The following FLT3 variants were observed in gnomAD, a reference collection of about 807,000 sequenced individuals.
FLT3 encodes the protein receptor-type tyrosine-protein kinase FLT3.
A neutral mutation model predicts 126.6 loss-of-function variants in FLT3; 46 were observed. The observed-to-expected ratio is 0.36, with a 90% CI of 0.29 to 0.46. The LOEUF is 0.46. FLT3 is among the 20% of genes least tolerant of loss of function. FLT3 has a pLI of 1.00. For missense variants in FLT3, 1,069 were observed against 1,190.3 expected (o/e 0.90, Z 1.50); for synonymous variants, 404 against 434.4 (o/e 0.93, Z 0.87).
intron 10 of FLT3, among the ~76,000 whole-genome samples, chr13:28,036,386 C>T (rs1357856457): frequency 6.6e-6 from 1 of 152,160 alleles, no homozygotes; most frequent in Admixed American, 6.5e-5. Flanking sequence ...GCCATGCAAC[C>T]TCTCTGCTAC....
intron 9 of FLT3, among the ~76,000 whole-genome samples, chr13:28,040,120 T>C (rs1416319689): frequency 1.3e-5 from 2 of 152,196 alleles, no homozygotes; most frequent in African/African-American, 4.8e-5. Context: ...TTAGAACCTG[T>C]TTGTGACGGA....
intron 2 of FLT3, among the ~76,000 whole-genome samples, chr13:28,066,825 G>T (rs1397497579): frequency 2.6e-5 from 4 of 152,086 alleles, no homozygotes; most frequent in Admixed American, 2.6e-4. Flanking sequence ...AAAATCAGTA[G>T]GTGAAAATTA....
intron 9 of FLT3, among the ~76,000 whole-genome samples, chr13:28,047,156 G>T (rs1874957765): frequency 6.6e-6 from 1 of 152,132 alleles, no homozygotes; most frequent in South Asian, 2.1e-4. Context: ...TGGAATGGGA[G>T]CCAGGAATCC....
chr13:28,096,212 G>A (rs922124934), intron 1 of FLT3, among the ~76,000 whole-genome samples: 38 of 151,868 alleles, frequency 2.5e-4, no homozygotes, highest in Admixed American at 7.2e-4. Context: ...AAAATTAGTC[G>A]GGTGTCATGG....
At chr13:28,094,646 T>C (rs914440852) in intron 1 of FLT3, among the ~76,000 whole-genome samples, 1 of 152,160 alleles carries the variant, frequency 6.6e-6, no homozygotes, top group Non-Finnish European at 1.5e-5. Flanking sequence ...GCTACAGGCA[T>C]GTGCCTCTAC....
Position 28,036,047 on chromosome 13 carries a change from T to C in FLT3, c.1310-4A>G, listed in dbSNP as rs776193252. ...TCTGCGAGCACTTGAGGTTTCCCTA[T>C]AGAAAAGAACGTGTGAAATAAGCTC... On this transcript the variant is annotated splice_region_variant and splice_polypyrimidine_tract_variant and intron_variant, in intron 10 of 23. Coordinates refer to ENST00000241453, the MANE Select transcript of FLT3 (RefSeq NM_004119.3). 5.6e-6 allele frequency: 9 copies of C among 1,612,664 alleles called. No individual in the cohort carries two copies. Among genetic ancestry groups the C allele is most frequent in the South Asian group, 5.5e-5 (5 of 91,028 alleles).
chr13:28,066,897 A>C (rs1281389433), intron 2 of FLT3, among the ~76,000 whole-genome samples: 1 of 152,210 alleles, frequency 6.6e-6, no homozygotes, highest in Non-Finnish European at 1.5e-5. Context: ...TGAAGAAAAT[A>C]GTAACTTTGC....
chr13:28,072,577 A>G (rs1414018446), intron 1 of FLT3, among the ~76,000 whole-genome samples: 1 of 152,074 alleles, frequency 6.6e-6, no homozygotes, highest in East Asian at 1.9e-4. Flanking sequence ...TCGTGTTTTT[A>G]GTAGAGACAG....
At chr13:28,091,518 G>GC (rs1879103099) in intron 1 of FLT3, among the ~76,000 whole-genome samples, 4 of 152,114 alleles carry the variant, frequency 2.6e-5, no homozygotes, top group Admixed American at 1.3e-4. Context: ...ACCGCGCCCG[G>GC]CCCCCCATTT....
chr13:28,039,423 G>C (rs1056418631), intron 9 of FLT3, among the ~76,000 whole-genome samples: 1 of 151,898 alleles, frequency 6.6e-6, no homozygotes, highest in African/African-American at 2.4e-5. Flanking sequence ...GGATGATCTT[G>C]ATCTCTTGAC....
chr13:28,016,546 G>C (rs1566058796), intron 20 of FLT3, among the ~76,000 whole-genome samples: 1 of 152,178 alleles, frequency 6.6e-6, no homozygotes, highest in Non-Finnish European at 1.5e-5. Context: ...TGGGATTACA[G>C]CTGTGAGCCA....
intron 9 of FLT3, among the ~76,000 whole-genome samples, chr13:28,041,660 A>C (rs1874387291): frequency 6.6e-6 from 1 of 152,254 alleles, no homozygotes; most frequent in African/African-American, 2.4e-5. Flanking sequence ...GACAACTGCA[A>C]TGACAACCGT....
intron 1 of FLT3, among the ~76,000 whole-genome samples, chr13:28,078,772 G>C (rs556183404): frequency 2.7e-5 from 4 of 149,868 alleles, no homozygotes; most frequent in Non-Finnish European, 5.9e-5. Context: ...GGAGTACAGT[G>C]GCACCACTTT....
intron 4 of FLT3, 150 bp downstream of exon 4, chr13:28,057,197 G>C (rs1350945160): frequency 8.1e-6 from 5 of 615,012 alleles, no homozygotes; most frequent in Non-Finnish European, 1.5e-5. Flanking sequence ...AGGTTCTACA[G>C]AGGGTTGACA....
chr13:28,044,799 T>C (rs1308148493), intron 9 of FLT3, among the ~76,000 whole-genome samples: 2 of 152,190 alleles, frequency 1.3e-5, no homozygotes, highest in Admixed American at 6.5e-5. Flanking sequence ...CTAAGAACCA[T>C]GTGCATGGTC....
Position 28,037,493 on chromosome 13 carries a change from T to C in FLT3, c.1206-205A>G, listed in dbSNP as rs66976696. On this transcript the variant is annotated intron_variant, in intron 9 of 23. Coordinates refer to ENST00000241453, the MANE Select transcript of FLT3 (RefSeq NM_004119.3). Reference sequence around the variant, plus strand: ...AGCATCAACATCGCCATTGGTATCATCTGGGAGCTTGTTACAATTGCAAGA... The same window carrying C: ...AGCATCAACATCGCCATTGGTATCACCTGGGAGCTTGTTACAATTGCAAGA... 0.11 allele frequency among the ~76,000 whole-genome samples: 16,456 copies of C among 152,216 alleles called. 1,571 individuals are homozygous for C. Among genetic ancestry groups the C allele is most frequent in the African/African-American group, 0.25 (10,411 of 41,486 alleles).
At chr13:28,017,685 A>G (rs552002683) in intron 20 of FLT3, among the ~76,000 whole-genome samples, 26 of 137,900 alleles carry the variant, frequency 1.9e-4, no homozygotes, top group African/African-American at 6.1e-4. Flanking sequence ...TTTTTTTGAG[A>G]CAGAGCTTTG....
Position 28,070,579 on chromosome 13 carries a change from G to T in FLT3, c.77C>A (p.Thr26Lys). The change falls in exon 2 of 24, where the codon ACA becomes AAA. Residue 26 changes from threonine to lysine, a missense_variant. Thr to Lys is a moderately conservative substitution (Grantham distance 78). Coordinates refer to ENST00000241453, the MANE Select transcript of FLT3 (RefSeq NM_004119.3). ...CTTGATCACAGGCAGATCTTGATTT[G>T]TAATAGTCCCAAATATCATTGCAGA... Reference protein sequence around the residue: ...VFSAMIFGTITNQDLPVIKCV... With the variant: ...VFSAMIFGTIKNQDLPVIKCV... 3 of 1,602,052 alleles carry T rather than the reference G, an allele frequency of 1.9e-6. No individual in the cohort carries two copies. Among genetic ancestry groups the T allele is most frequent in the Non-Finnish European group, 2.6e-6 (3 of 1,170,444 alleles).
intron 20 of FLT3, 97 bp downstream of exon 20, chr13:28,018,370 A>G (rs1051503829): frequency 1.0e-4 from 146 of 1,412,522 alleles, no homozygotes; most frequent in Non-Finnish European, 1.4e-4. Flanking sequence ...ATGTTACCAT[A>G]AATCAAAAAT....
Sources: allele counts gnomAD v4.1 joint callset (sites outside exome capture counted in the v4.1 genomes callset), GRCh38; gene constraint gnomAD v4.1.1; transcripts MANE v1.5; gene names NCBI Gene and HGNC (gene_info 2026-07-23, HGNC 2026-07-21).